Variants in SLC44A1 observed in about 807,000 individuals in gnomAD.
The protein encoded by SLC44A1 is solute carrier family 44 member 1, also known as choline transporter-like protein 1.
In SLC44A1, 26 loss-of-function variants were observed where a neutral mutation model predicts 79.3. That is an observed-to-expected ratio of 0.33 (90% CI 0.24 to 0.46). The LOEUF is 0.46. Ranked by LOEUF, SLC44A1 falls within the 20% of genes least tolerant of loss-of-function variation. The probability of loss-of-function intolerance (pLI) is 1.00; values close to 1 mark genes in which losing one functional copy is unlikely to be tolerated. For missense variants in SLC44A1, 688 were observed against 798.1 expected (o/e 0.86, Z 1.66); for synonymous variants, 263 against 286.2 (o/e 0.92, Z 0.82).
chr9:105,341,699 C>G (rs1827097803), intron 4 of SLC44A1, among the ~76,000 whole-genome samples: 2 of 152,132 alleles, frequency 1.3e-5, no homozygotes, highest in Admixed American at 6.5e-5. Flanking sequence ...GGCTGGATTT[C>G]CCTGTTCTAT....
At chr9:105,362,649 T>C (rs749382192) in intron 8 of SLC44A1, among the ~76,000 whole-genome samples, 172 bp from the exon 9 acceptor site, 2 of 152,186 alleles carry the variant, frequency 1.3e-5, no homozygotes, top group Admixed American at 6.5e-5. Context: ...AACCATAATA[T>C]AAAATTGACA....
chr9:105,430,801 C>T (rs377602073), intron 15 of SLC44A1, among the ~76,000 whole-genome samples: 155 of 152,216 alleles, frequency 1.0e-3, no homozygotes, highest in African/African-American at 3.5e-3. Context: ...GAGTGGAATT[C>T]CTAGGTCATA....
intron 13 of SLC44A1, among the ~76,000 whole-genome samples, chr9:105,377,747 G>A (rs1477282188): frequency 6.7e-6 from 1 of 149,938 alleles, no homozygotes; most frequent in Non-Finnish European, 1.5e-5. Context: ...AGGCGACAGA[G>A]CAAGACTCTG....
intron 1 of SLC44A1, among the ~76,000 whole-genome samples, chr9:105,248,916 T>G (rs918914847): frequency 6.6e-6 from 1 of 152,246 alleles, no homozygotes; most frequent in Admixed American, 6.5e-5. Flanking sequence ...GTCTTTGTCC[T>G]TAATGGCTAG....
intron 1 of SLC44A1, among the ~76,000 whole-genome samples, chr9:105,263,315 C>G (rs1165880104): frequency 1.3e-5 from 2 of 152,132 alleles, no homozygotes; most frequent in African/African-American, 4.8e-5. Flanking sequence ...TGTTCTGATT[C>G]TGCACCCATT....
intron 15 of SLC44A1, chr9:105,386,144 G>A: frequency 1.0e-6 from 1 of 978,858 alleles, no homozygotes; most frequent in Non-Finnish European, 1.2e-6. Context: ...TCTGGTAGTT[G>A]ATATTATATA....
At chr9:105,279,950 G>A (rs754570288) in intron 1 of SLC44A1, among the ~76,000 whole-genome samples, 5 of 152,104 alleles carry the variant, frequency 3.3e-5, no homozygotes, top group African/African-American at 9.7e-5. Flanking sequence ...TTATCAAAGC[G>A]TCAGCAAATA....
At chr9:105,276,329 A>G (rs539443920) in intron 1 of SLC44A1, among the ~76,000 whole-genome samples, 38 of 152,288 alleles carry the variant, frequency 2.5e-4, no homozygotes, top group African/African-American at 7.7e-4. Flanking sequence ...CACAATCTCA[A>G]TCTGTCACTG....
At chr9:105,342,054 T>G (rs1827109312) in intron 4 of SLC44A1, among the ~76,000 whole-genome samples, 1 of 152,202 alleles carries the variant, frequency 6.6e-6, no homozygotes, top group Admixed American at 6.5e-5. Flanking sequence ...TTCACTTTCC[T>G]TCTCTTCAGT....
intron 11 of SLC44A1, among the ~76,000 whole-genome samples, chr9:105,365,876 C>T (rs1827925510): frequency 6.6e-6 from 1 of 152,182 alleles, no homozygotes; most frequent in Non-Finnish European, 1.5e-5. Flanking sequence ...TCTGTTGACT[C>T]ACATACCTTC....
chr9:105,399,487 A>AAC (rs542554116), downstream of SLC44A1, among the ~76,000 whole-genome samples: 85 of 150,856 alleles, frequency 5.6e-4, no homozygotes, highest in East Asian at 4.2e-3. Context: ...AAACAATTTT[A>AAC]ACACACACAC....
At chr9:105,325,562 A>C (rs559119131) in intron 3 of SLC44A1, among the ~76,000 whole-genome samples, 12 of 152,268 alleles carry the variant, frequency 7.9e-5, no homozygotes, top group African/African-American at 2.4e-4. Context: ...TGAGGGGTCG[A>C]GTGTGCTGAT....
chr9:105,271,779 A>G (rs992046643), intron 1 of SLC44A1, among the ~76,000 whole-genome samples: 1 of 151,998 alleles, frequency 6.6e-6, no homozygotes, highest in Middle Eastern at 3.2e-3. Flanking sequence ...ACGCCTGGCT[A>G]ATTTTTGTAG....
At chr9:105,412,473 A>G (rs1564055920) in intron 15 of SLC44A1, among the ~76,000 whole-genome samples, 1 of 152,210 alleles carries the variant, frequency 6.6e-6, no homozygotes. Context: ...CCAAGTCTTC[A>G]AGTGAGCCCT....
chr9:105,359,167 C>T (rs940805320), intron 7 of SLC44A1, among the ~76,000 whole-genome samples: 14 of 152,050 alleles, frequency 9.2e-5, no homozygotes, highest in African/African-American at 2.9e-4. Flanking sequence ...TTTACATTTA[C>T]GTTTTCCTGG....
chr9:105,319,476 G>T (rs540014820), intron 3 of SLC44A1, among the ~76,000 whole-genome samples: 1 of 152,146 alleles, frequency 6.6e-6, no homozygotes, highest in Non-Finnish European at 1.5e-5. Flanking sequence ...CTAAGCCTCA[G>T]TGTTCATAAT....
rs1045380874 is a variant in SLC44A1 at position 105,418,742 on chromosome 9, G to C, written c.1951-19539G>C. On this transcript the variant is annotated intron_variant, in intron 15 of 15. Coordinates refer to the SLC44A1 transcript ENST00000374724. ...CCCCAGTTGCACAGATAAGCAGCTT[G>C]TGCCTGACTGGCCTGCCCCCAAATC... Among the ~76,000 whole-genome samples the C allele has an allele frequency of 2.0e-5, 3 of 152,164 alleles. No homozygotes were observed. The South Asian group carries it at 6.2e-4, about 32-fold the overall frequency.
At chr9:105,379,195 C>A (rs1244991549) in intron 13 of SLC44A1, among the ~76,000 whole-genome samples, 1 of 152,096 alleles carries the variant, frequency 6.6e-6, no homozygotes, top group Non-Finnish European at 1.5e-5. Flanking sequence ...AGAATCGCTT[C>A]AGCCCAGAGG....
At chr9:105,419,652 C>G (rs567503660) in intron 15 of SLC44A1, among the ~76,000 whole-genome samples, 1 of 152,154 alleles carries the variant, frequency 6.6e-6, no homozygotes. Context: ...CGGTGGCCCA[C>G]GCCTGTAATA....
Sources: allele counts gnomAD v4.1 joint callset (sites outside exome capture counted in the v4.1 genomes callset), GRCh38; gene constraint gnomAD v4.1.1; transcripts MANE v1.5; gene names NCBI Gene and HGNC (gene_info 2026-07-23, HGNC 2026-07-21).